Variants in CNTN1 observed in about 807,000 individuals in gnomAD.
CNTN1 encodes the protein contactin 1.
In CNTN1, 38 loss-of-function variants were observed where a neutral mutation model predicts 126.4. That is an observed-to-expected ratio of 0.30 (90% CI 0.23 to 0.39). The LOEUF is 0.39. CNTN1 is among the 10% of genes least tolerant of loss of function. The probability of loss-of-function intolerance (pLI) is 1.00; values close to 1 mark genes in which losing one functional copy is unlikely to be tolerated. For synonymous variants in CNTN1, 413 were observed against 422.6 expected (o/e 0.98, Z 0.28); for missense variants, 1,009 against 1,248.4 (o/e 0.81, Z 2.89).
At chr12:41,028,077 A>C in intron 22 of CNTN1, 108 bp downstream of exon 22, 1 of 760,710 alleles carries the variant, frequency 1.3e-6, no homozygotes, top group Non-Finnish European at 2.3e-6. Flanking sequence ...TGTCACCCAG[A>C]CCGGAGTGCA....
intron 1 of CNTN1, among the ~76,000 whole-genome samples, chr12:40,759,021 G>A (rs1440196476): frequency 2.0e-5 from 3 of 151,696 alleles, no homozygotes; most frequent in Non-Finnish European, 4.4e-5. Context: ...CTCCTGCCTC[G>A]GCCTCCCAAG....
intron 1 of CNTN1, among the ~76,000 whole-genome samples, chr12:40,848,138 C>T (rs1942585435): frequency 1.3e-5 from 2 of 152,154 alleles, no homozygotes; most frequent in African/African-American, 4.8e-5. Context: ...AGTTTCTAAA[C>T]TCTACAAATA....
chr12:40,703,203 C>T (rs1941645225), intron 1 of CNTN1, among the ~76,000 whole-genome samples: 1 of 151,890 alleles, frequency 6.6e-6, no homozygotes, highest in East Asian at 1.9e-4. Context: ...AAAATTATTA[C>T]TGAAAAAATA....
At chr12:40,996,314 G>T (rs1948216375) in intron 17 of CNTN1, among the ~76,000 whole-genome samples, 1 of 151,950 alleles carries the variant, frequency 6.6e-6, no homozygotes, top group Non-Finnish European at 1.5e-5. Context: ...GTGTTTTTTG[G>T]TAGAGACTGG....
intron 14 of CNTN1, among the ~76,000 whole-genome samples, chr12:40,949,422 CCCCT>C (rs1946574403): frequency 7.1e-6 from 1 of 140,842 alleles, no homozygotes; most frequent in Non-Finnish European, 1.5e-5. Context: ...ATCCCTACCC[CCCCT>C]CCCCCCACCC....
At chr12:40,715,021 A>T (rs1942014221) in intron 1 of CNTN1, among the ~76,000 whole-genome samples, 1 of 152,182 alleles carries the variant, frequency 6.6e-6, no homozygotes, top group Non-Finnish European at 1.5e-5. Flanking sequence ...TAAAAAATGG[A>T]TGTAGAAAGA....
At chr12:40,723,658 C>T (rs921847153) in intron 1 of CNTN1, among the ~76,000 whole-genome samples, 6 of 152,122 alleles carry the variant, frequency 3.9e-5, no homozygotes, top group African/African-American at 1.4e-4. Flanking sequence ...GTGATCACAC[C>T]TTTTGCCCTA....
chr12:40,882,601 A>G (rs970505499), intron 1 of CNTN1, among the ~76,000 whole-genome samples: 46 of 151,666 alleles, frequency 3.0e-4, no homozygotes, highest in African/African-American at 1.0e-3. Flanking sequence ...TTCAGAGGAA[A>G]TAATCTCATC....
chr12:40,787,137 G>A (rs1940053114), intron 1 of CNTN1, among the ~76,000 whole-genome samples: 1 of 152,096 alleles, frequency 6.6e-6, no homozygotes, highest in South Asian at 2.1e-4. Context: ...GAAGTTGTAA[G>A]TATAAAGTCA....
chr12:40,716,849 A>G (rs1262514616), intron 1 of CNTN1, among the ~76,000 whole-genome samples: 1 of 152,222 alleles, frequency 6.6e-6, no homozygotes, highest in Non-Finnish European at 1.5e-5. Context: ...TGTAGAAATC[A>G]GTCTACTTAA....
intron 1 of CNTN1, among the ~76,000 whole-genome samples, chr12:40,866,074 G>A (rs985241064): frequency 6.6e-6 from 1 of 151,700 alleles, no homozygotes; most frequent in Non-Finnish European, 1.5e-5. Context: ...TCGTCTTGGT[G>A]CTATTGTAAA....
At chr12:40,861,456 T>C (rs1407692234) in intron 1 of CNTN1, among the ~76,000 whole-genome samples, 1 of 152,190 alleles carries the variant, frequency 6.6e-6, no homozygotes, top group African/African-American at 2.4e-5. Context: ...TAATGGAATC[T>C]TGTTTCATAA....
At chr12:41,039,311 A>G (rs1949341945) in intron 23 of CNTN1, among the ~76,000 whole-genome samples, 1 of 152,154 alleles carries the variant, frequency 6.6e-6, no homozygotes, top group South Asian at 2.1e-4. Context: ...GATAGCTTTG[A>G]CTAGTGTACT....
At chr12:40,940,782 G>A (rs1268583435) in intron 12 of CNTN1, among the ~76,000 whole-genome samples, 1 of 152,100 alleles carries the variant, frequency 6.6e-6, no homozygotes, top group East Asian at 1.9e-4. Flanking sequence ...TTGACCTCAG[G>A]GTTGTTAAGA....
chr12:40,890,979 C>T (rs575549924), intron 1 of CNTN1, among the ~76,000 whole-genome samples: 1 of 152,268 alleles, frequency 6.6e-6, no homozygotes, highest in African/African-American at 2.4e-5. Flanking sequence ...AACGAGAGTT[C>T]CTGTTCTTCC....
intron 1 of CNTN1, among the ~76,000 whole-genome samples, chr12:40,813,269 G>C (rs1013704284): frequency 2.0e-5 from 3 of 149,694 alleles, no homozygotes; most frequent in African/African-American, 7.4e-5. Context: ...AGAACATGCA[G>C]ATTTGTTACA....
At chr12:40,937,035 C>A (rs970107521) in intron 10 of CNTN1, 130 bp downstream of exon 10, 9 of 1,132,928 alleles carry the variant, frequency 7.9e-6, no homozygotes, top group African/African-American at 1.6e-5. Context: ...TAAAAGCTTC[C>A]TAAAAAAGAC....
intron 6 of CNTN1, among the ~76,000 whole-genome samples, chr12:40,925,378 G>A (rs2136886323): frequency 6.6e-6 from 1 of 151,268 alleles, no homozygotes; most frequent in Admixed American, 6.6e-5. Flanking sequence ...CCTTAAATTT[G>A]ACTTTAAACA....
chr12:41,063,412 T>C (rs747487826), intron 23 of CNTN1, among the ~76,000 whole-genome samples: 1 of 152,244 alleles, frequency 6.6e-6, no homozygotes, highest in Non-Finnish European at 1.5e-5. Context: ...TGGTCCTTGA[T>C]AGAAAGTTAC....
Sources: gnomAD v4.1 joint callset for allele counts (sites outside exome capture counted in the v4.1 genomes callset) on GRCh38, gnomAD v4.1.1 for gene constraint, MANE v1.5 for transcripts, NCBI Gene and HGNC (gene_info 2026-07-23, HGNC 2026-07-21) for gene names.